The following ARHGEF3 variants were observed in gnomAD, a reference collection of about 807,000 sequenced individuals.
ARHGEF3 encodes the protein Rho guanine nucleotide exchange factor 3.
ARHGEF3 carries 28 observed loss-of-function variants against 63.2 expected under a neutral mutation model. The ratio of observed to expected loss-of-function variants is 0.44; its 90% confidence interval spans 0.33 to 0.61. The LOEUF is 0.61. Among genes scored for constraint, ARHGEF3 ranks in the 20% least tolerant of loss-of-function variants. The pLI is 0.03. For synonymous variants in ARHGEF3, 266 were observed against 254.2 expected, an observed-to-expected ratio of 1.05 and a Z score of -0.44; for missense variants, 533 against 659.3, an observed-to-expected ratio of 0.81 and a Z score of 2.10.
chr3:56,991,250 T>G (rs6772106), intron 2 of ARHGEF3, among the ~76,000 whole-genome samples: 3,597 of 152,198 alleles, frequency 0.024, 149 homozygotes, highest in African/African-American at 0.082. Flanking sequence ...GCCACTCACA[T>G]GCCTGAGGAT....
chr3:56,737,370 A>G lies in ARHGEF3; in HGVS notation c.871-15T>C, dbSNP rs781042313. On this transcript the variant is annotated splice_polypyrimidine_tract_variant and intron_variant, in intron 7 of 9. Coordinates refer to ENST00000296315, the MANE Select transcript of ARHGEF3 (RefSeq NM_019555.3). ...ATGATATTTATCTATGAAAACAAAG[A>G]GGAAAATTAAGTATGGAGGAAAGCA... The G allele has an allele frequency of 1.2e-6, 2 of 1,600,486 alleles. No homozygotes were observed. Among genetic ancestry groups the G allele is most frequent in the African/African-American group, 2.7e-5 (2 of 74,512 alleles).
intron 2 of ARHGEF3, among the ~76,000 whole-genome samples, chr3:56,755,427 G>A (rs2035013192): frequency 6.6e-6 from 1 of 152,298 alleles, no homozygotes; most frequent in South Asian, 2.1e-4. Flanking sequence ...CCAAACTCAC[G>A]CATGAAGGCA....
chr3:57,078,882 C>A lies in ARHGEF3; in HGVS notation c.-28+344G>T, dbSNP rs565473630. The A allele has an allele frequency of 4.3e-4, 93 of 216,550 alleles. 2 individuals are homozygous for A. In the South Asian group the frequency reaches 0.016, roughly 38 times the overall value. The allele number at this position is 216,550 out of a possible 1,614,324, so 13.4% of individuals were successfully genotyped here. A position where few individuals can be genotyped will look rare whatever the true frequency, so the allele number is the denominator to read the frequency against. On this transcript the variant is annotated intron_variant, in intron 1 of 12. Transcript: ENST00000338458. ...CCCCGGAAGTGGCTCCGGGAATTTT[C>A]GCTCAAGGGGCTACCCGGGGAACAG...
At chr3:56,854,181 C>T (rs1046137764) in intron 4 of ARHGEF3, among the ~76,000 whole-genome samples, 8 of 151,616 alleles carry the variant, frequency 5.3e-5, no homozygotes, top group Admixed American at 2.6e-4. Context: ...GGTGACAGAG[C>T]GAGACTCCAT....
intron 3 of ARHGEF3, among the ~76,000 whole-genome samples, chr3:56,889,903 A>AC (rs1194582932): frequency 6.6e-6 from 1 of 152,038 alleles, no homozygotes; most frequent in African/African-American, 2.4e-5. Flanking sequence ...CTCTACTAAA[A>AC]ATACAAAAAT....
At chr3:56,931,640 T>C (rs1004683062) in intron 3 of ARHGEF3, among the ~76,000 whole-genome samples, 1 of 145,540 alleles carries the variant, frequency 6.9e-6, no homozygotes, top group Non-Finnish European at 1.5e-5. Context: ...AAATTTGCAA[T>C]CTGTAGTTAT....
chr3:56,732,074 A>C (rs1235762411), intron 9 of ARHGEF3, 164 bp downstream of exon 9: 1 of 801,560 alleles, frequency 1.2e-6, no homozygotes, highest in Non-Finnish European at 2.0e-6. Context: ...GAAACTGAGA[A>C]TCACAGGGAC....
chr3:56,997,596 G>A (rs1039308955), intron 2 of ARHGEF3, among the ~76,000 whole-genome samples: 3 of 152,180 alleles, frequency 2.0e-5, no homozygotes, highest in Non-Finnish European at 4.4e-5. Context: ...GATCTACCCC[G>A]GGCAGGTTGT....
At chr3:56,875,616 A>G (rs1177953741) in intron 4 of ARHGEF3, among the ~76,000 whole-genome samples, 1 of 152,220 alleles carries the variant, frequency 6.6e-6, no homozygotes, top group African/African-American at 2.4e-5. Flanking sequence ...TCTGAGATAA[A>G]TATGTTCATC....
intron 1 of ARHGEF3, among the ~76,000 whole-genome samples, chr3:56,794,888 C>T (rs1350152339): frequency 6.6e-6 from 1 of 151,762 alleles, no homozygotes; most frequent in African/African-American, 2.4e-5. Context: ...GACAGGGTCT[C>T]CCTATTTCAC....
At chr3:56,897,279 A>C (rs984306422) in intron 3 of ARHGEF3, among the ~76,000 whole-genome samples, 1 of 152,210 alleles carries the variant, frequency 6.6e-6, no homozygotes, top group Non-Finnish European at 1.5e-5. Flanking sequence ...TCACATGCCC[A>C]TCATTCTTAG....
intron 4 of ARHGEF3, among the ~76,000 whole-genome samples, chr3:56,844,318 T>A (rs1020937572): frequency 1.1e-4 from 17 of 152,208 alleles, no homozygotes; most frequent in African/African-American, 4.1e-4. Flanking sequence ...GTGCCAGGAT[T>A]AGCTTTTCTA....
chr3:56,916,536 C>T, intron 3 of ARHGEF3: 1 of 1,306,546 alleles, frequency 7.7e-7, no homozygotes, highest in Non-Finnish European at 9.9e-7. Context: ...CAGTCAAGAG[C>T]TCCCCACCTC....
chr3:57,044,380 A>C (rs1704356863), intron 1 of ARHGEF3, among the ~76,000 whole-genome samples: 1 of 152,248 alleles, frequency 6.6e-6, no homozygotes, highest in Admixed American at 6.5e-5. Context: ...AAAGCTGCAC[A>C]GTACCCAGCC....
chr3:57,073,874 G>T, intron 1 of ARHGEF3: 2 of 1,614,180 alleles, frequency 1.2e-6, no homozygotes, highest in Non-Finnish European at 1.7e-6. Context: ...CAGGTGTCCT[G>T]CCAGGAGCAG....
At chr3:57,078,996 G>C (rs997759685) in intron 1 of ARHGEF3, 2 of 339,056 alleles carry the variant, frequency 5.9e-6, no homozygotes, top group East Asian at 8.5e-5. Flanking sequence ...CCCGTGCGCT[G>C]GGCATACCCC....
At chr3:56,894,065 C>T (rs992324316) in intron 3 of ARHGEF3, among the ~76,000 whole-genome samples, 7 of 152,154 alleles carry the variant, frequency 4.6e-5, no homozygotes, top group African/African-American at 1.7e-4. Flanking sequence ...GTGTGGAAAG[C>T]ACACAAATCA....
chr3:56,755,619 T>C (rs560405946), intron 2 of ARHGEF3, among the ~76,000 whole-genome samples: 42 of 152,344 alleles, frequency 2.8e-4, no homozygotes, highest in African/African-American at 9.4e-4. Flanking sequence ...ATAGTTTTGG[T>C]GGGCACCCCC....
At chr3:56,775,640 A>T (rs561930252) in intron 1 of ARHGEF3, 1 of 985,770 alleles carries the variant, frequency 1.0e-6, no homozygotes, top group Admixed American at 6.1e-5. Flanking sequence ...GAAGGGAAAG[A>T]TCTGACAGCT....
Sources: gnomAD v4.1 joint callset for allele counts (sites outside exome capture counted in the v4.1 genomes callset) on GRCh38, gnomAD v4.1.1 for gene constraint, MANE v1.5 for transcripts, NCBI Gene and HGNC (gene_info 2026-07-23, HGNC 2026-07-21) for gene names.